NDST3: variants seen among roughly 807,000 people sequenced by gnomAD.
NDST3 encodes N-deacetylase and N-sulfotransferase 3.
A neutral mutation model predicts 96.1 loss-of-function variants in NDST3; 58 were observed. The observed-to-expected ratio is 0.60, with a 90% CI of 0.49 to 0.75. NDST3 has a LOEUF of 0.75. Among genes scored for constraint, NDST3 ranks in the 30% least tolerant of loss-of-function variants. The probability of loss-of-function intolerance (pLI) is 0.00; values close to 1 mark genes in which losing one functional copy is unlikely to be tolerated. For missense variants in NDST3, 788 were observed against 1,034.2 expected (o/e 0.76, Z 3.27); for synonymous variants, 333 against 359.7 (o/e 0.93, Z 0.84).
At position 118,254,177 on chromosome 4, in the gene NDST3, G is replaced by A. The variant is rs1316253951; in HGVS notation, c.2502+576G>A. Among the ~76,000 whole-genome samples, 3 of 151,680 alleles carry A rather than the reference G, an allele frequency of 2.0e-5. No homozygotes were observed. The South Asian group carries it at 6.2e-4, about 32-fold the overall frequency. On this transcript the variant is annotated intron_variant, in intron 13 of 13. Coordinates refer to ENST00000296499, the MANE Select transcript of NDST3 (RefSeq NM_004784.3). ...GGAGGATCGCTTGAACCTGGGAGGT[G>A]GAGGTCACAGTGAGCCCAGATTGCA...
chr4:118,157,162 T>A (rs2125921185), intron 6 of NDST3, among the ~76,000 whole-genome samples: 1 of 152,264 alleles, frequency 6.6e-6, no homozygotes, highest in Middle Eastern at 3.4e-3. Context: ...GTGCTATGAT[T>A]TCCACAATAC....
intron 12 of NDST3, among the ~76,000 whole-genome samples, chr4:118,252,932 G>A (rs947501033): frequency 9.2e-5 from 14 of 151,982 alleles, no homozygotes; most frequent in African/African-American, 3.4e-4. Context: ...ATTTGTAGGT[G>A]CTATTACTTT....
At chr4:118,226,119 T>C (rs1739863526) in intron 7 of NDST3, among the ~76,000 whole-genome samples, 1 of 152,062 alleles carries the variant, frequency 6.6e-6, no homozygotes, top group Non-Finnish European at 1.5e-5. Context: ...TGACTAGAAA[T>C]AAAAAAGTGG....
chr4:118,155,040 A>T (rs761737252), intron 6 of NDST3, among the ~76,000 whole-genome samples: 1 of 152,240 alleles, frequency 6.6e-6, no homozygotes, highest in Non-Finnish European at 1.5e-5. Flanking sequence ...AGAACTACGA[A>T]TAAAGAACTA....
At chr4:118,135,303 G>T (rs1051306879) in intron 4 of NDST3, among the ~76,000 whole-genome samples, 1 of 152,140 alleles carries the variant, frequency 6.6e-6, no homozygotes, top group Non-Finnish European at 1.5e-5. Context: ...CACCACAGGA[G>T]TCTCATGAGA....
At chr4:118,120,639 A>G (rs113624420) in intron 4 of NDST3, among the ~76,000 whole-genome samples, 1,656 of 152,274 alleles carry the variant, frequency 0.011, 28 homozygotes, top group African/African-American at 0.038. Flanking sequence ...GCCTGAGAAC[A>G]GCAATCTCTC....
intron 13 of NDST3, 23 bp downstream of exon 13, chr4:118,253,624 C>T: frequency 6.9e-7 from 1 of 1,458,046 alleles, no homozygotes; most frequent in East Asian, 2.3e-5. Context: ...CTTAAAAATA[C>T]AAACTAAATC....
At chr4:118,057,064 C>A (rs751487434) in intron 2 of NDST3, among the ~76,000 whole-genome samples, 41 of 151,698 alleles carry the variant, frequency 2.7e-4, no homozygotes, top group Middle Eastern at 3.2e-3. Context: ...TTCTTGAAAC[C>A]AGGAAATTGG....
intron 1 of NDST3, among the ~76,000 whole-genome samples, chr4:118,047,758 A>C (rs1177729362): frequency 6.6e-6 from 1 of 152,222 alleles, no homozygotes; most frequent in Non-Finnish European, 1.5e-5. Context: ...ATGTAAAGAC[A>C]CCAAATTTAT....
chr4:118,085,598 C>T (rs1318096018), intron 2 of NDST3, among the ~76,000 whole-genome samples: 4 of 152,076 alleles, frequency 2.6e-5, no homozygotes, highest in South Asian at 2.1e-4. Flanking sequence ...AAACTCCAAC[C>T]CTTGTTCAAG....
chr4:118,131,392 C>A (rs969378085), intron 4 of NDST3, among the ~76,000 whole-genome samples: 1 of 151,858 alleles, frequency 6.6e-6, no homozygotes, highest in Non-Finnish European at 1.5e-5. Flanking sequence ...CTGATGCATT[C>A]TTCAGTATGT....
chr4:118,089,016 G>C (rs796784307), intron 2 of NDST3, among the ~76,000 whole-genome samples: 11 of 152,008 alleles, frequency 7.2e-5, no homozygotes, highest in African/African-American at 2.7e-4. Flanking sequence ...CTCCTATCTG[G>C]AATTTGTGAT....
intron 12 of NDST3, among the ~76,000 whole-genome samples, chr4:118,242,862 C>A (rs1044237443): frequency 3.3e-5 from 5 of 152,020 alleles, no homozygotes; most frequent in African/African-American, 1.2e-4. Context: ...GAGGTGTGCC[C>A]ATGCCTGAGA....
At chr4:118,186,704 T>C (rs940051696) in intron 6 of NDST3, among the ~76,000 whole-genome samples, 1 of 152,204 alleles carries the variant, frequency 6.6e-6, no homozygotes, top group Non-Finnish European at 1.5e-5. Flanking sequence ...ATCAATACTT[T>C]GCATCCTTCA....
intron 2 of NDST3, among the ~76,000 whole-genome samples, chr4:118,062,691 T>C (rs1725993115): frequency 6.6e-6 from 1 of 152,174 alleles, no homozygotes; most frequent in Non-Finnish European, 1.5e-5. Flanking sequence ...AAACATTTCA[T>C]ATTCATAATC....
intron 6 of NDST3, among the ~76,000 whole-genome samples, chr4:118,212,049 C>T (rs907586431): frequency 5.3e-5 from 8 of 152,080 alleles, no homozygotes; most frequent in African/African-American, 1.4e-4. Context: ...TCAAACATCC[C>T]CTTAGGACAG....
intron 2 of NDST3, among the ~76,000 whole-genome samples, chr4:118,066,137 TATATTTTATATATTATATATATTATATA>T (rs1560617558): frequency 1.7e-4 from 5 of 30,212 alleles, no homozygotes; most frequent in African/African-American, 2.6e-4. Context: ...TATTATATAA[TATATTTTATATATTATATATATTATATA>T]TTATATTTTA....
intron 8 of NDST3, among the ~76,000 whole-genome samples, chr4:118,232,787 C>G (rs1370301538): frequency 1.3e-5 from 2 of 152,092 alleles, no homozygotes; most frequent in Admixed American, 1.3e-4. Flanking sequence ...AGATTGAAAG[C>G]CAGTTCTCTC....
chr4:118,209,051 C>T (rs756454330), intron 6 of NDST3, among the ~76,000 whole-genome samples: 1 of 152,026 alleles, frequency 6.6e-6, no homozygotes, highest in East Asian at 1.9e-4. Flanking sequence ...ATCAAATTTT[C>T]ATGTAGGTCA....
Sources: allele counts gnomAD v4.1 joint callset (sites outside exome capture counted in the v4.1 genomes callset), GRCh38; gene constraint gnomAD v4.1.1; transcripts MANE v1.5; gene names NCBI Gene and HGNC (gene_info 2026-07-23, HGNC 2026-07-21).